Variants in C10orf71 observed in about 807,000 individuals in gnomAD.
C10orf71 encodes cardiac-enriched FHL2-interacting protein.
For missense variants in C10orf71, 1,869 were observed against 1,804.5 expected, an observed-to-expected ratio of 1.04 and a Z score of -0.65; for synonymous variants, 758 against 726.3, an observed-to-expected ratio of 1.04 and a Z score of -0.70.
rs1340584651 is a variant in C10orf71, at chr10:49,325,655, C to A, written c.3110C>A (p.Ser1037Tyr). The change falls in exon 3 of 3, where the codon TCC (serine) becomes TAC (tyrosine). Residue 1037 changes from serine to tyrosine, a missense_variant. Ser to Tyr is a moderately radical substitution (Grantham distance 144). Transcript: ENST00000374144. ...QTPGFKSHFL[S>Y]TPRAGPPGRR... Reference sequence around the variant, plus strand: ...CCAGGTTTCAAGAGTCACTTTTTGTCCACACCCAGAGCAGGGCCCCCTGGC... The same window carrying A: ...CCAGGTTTCAAGAGTCACTTTTTGTACACACCCAGAGCAGGGCCCCCTGGC... 5.2e-6 allele frequency: 8 copies of A among 1,552,010 alleles called. No individual in the cohort carries two copies. In the African/African-American group the frequency reaches 8.2e-5, roughly 16 times the overall value.
rs1482212804 is a variant in C10orf71 at position 49,326,672 on chromosome 10, G to A, written c.4127G>A (p.Ser1376Asn). 9 of 1,550,722 alleles carry A rather than the reference G, an allele frequency of 5.8e-6. No individual in the cohort carries two copies. The East Asian group carries it at 2.2e-4, about 38-fold the overall frequency. The change falls in exon 3 of 3, where the codon AGT (serine) becomes AAT (asparagine). Residue 1376 changes from serine (S) to asparagine (N), a missense_variant. Coordinates refer to ENST00000374144, the MANE Select transcript of C10orf71 (RefSeq NM_001135196.2). The stretch of plus-strand genomic sequence containing the variant: ...TCCGCGGCCCGCGCCAGGACCCAGA[G>A]TGTCCACGAGTCTGGACTACAGCTG... ...RASAARARTQ[S>N]VHESGLQLDP...
At position 49,326,676 on chromosome 10, in the gene C10orf71, C is replaced by A; in HGVS notation, c.4131C>A (p.Val1377=). ...ASAARARTQS[V]HESGLQLDPG... ...CGGCCCGCGCCAGGACCCAGAGTGT[C>A]CACGAGTCTGGACTACAGCTGGACC... is the stretch of plus-strand genomic sequence containing the variant. The change falls in exon 3 of 3, where the codon GTC becomes GTA. Residue 1377 remains valine (V), a synonymous_variant. Transcript: ENST00000374144. 1 of 1,550,950 alleles carries A rather than the reference C, an allele frequency of 6.4e-7. No homozygotes were observed. The highest frequency in any genetic ancestry group is 1.2e-5 in the South Asian group (1 of 84,056).
At chr10:49,322,019 G>C (rs1208741843) in intron 2 of C10orf71, among the ~76,000 whole-genome samples, 1 of 152,128 alleles carries the variant, frequency 6.6e-6, no homozygotes, top group East Asian at 1.9e-4. Flanking sequence ...CCATTCCATA[G>C]AATACCTTTT....
In C10orf71 at chr10:49,324,993, A is replaced by T; in HGVS notation, c.2448A>T (p.Ser816=). Residue 816 remains serine (S), a synonymous_variant, in exon 3 of 3, where the codon TCA becomes TCT. Coordinates refer to ENST00000374144, the MANE Select transcript of C10orf71 (RefSeq NM_001135196.2). ...CTGGAGGAAGAACCAGGAAGGCATC[A>T]GCAGAGGAAGCTAATTTCAGAGGCT... ...SVSGGRTRKA[S]AEEANFRGSW... 6.4e-7 allele frequency: 1 copy of T among 1,551,394 alleles called. No homozygotes were observed. The highest frequency in any genetic ancestry group is 8.7e-7 in the Non-Finnish European group (1 of 1,146,762).
At chr10:49,302,663 T>G (rs557062281) in intron 1 of C10orf71, among the ~76,000 whole-genome samples, 37 of 152,336 alleles carry the variant, frequency 2.4e-4, no homozygotes, top group Admixed American at 1.6e-3. Context: ...TTGTACTCAC[T>G]GCCTCCTGAT....
upstream of C10orf71, among the ~76,000 whole-genome samples, chr10:49,297,086 A>G (rs564992541): frequency 1.3e-5 from 2 of 152,384 alleles, no homozygotes; most frequent in East Asian, 3.8e-4. Flanking sequence ...GCTGCAGAGC[A>G]AAGCTTGCTG....
intron 1 of C10orf71, among the ~76,000 whole-genome samples, chr10:49,300,568 C>T (rs7904928): frequency 0.14 from 20,702 of 152,034 alleles, 1,719 homozygotes; most frequent in South Asian, 0.23. Flanking sequence ...CCTGCACCTT[C>T]CAGGGCCCAC....
chr10:49,323,516 C>T lies in C10orf71; in HGVS notation c.971C>T (p.Pro324Leu). 1.2e-6 allele frequency: 2 copies of T among 1,611,868 alleles called. No homozygotes were observed. Among genetic ancestry groups the T allele is most frequent in the Non-Finnish European group, 1.7e-6 (2 of 1,178,366 alleles). ...TGTCCTCCTGAGCGCACAGTCTCTC[C>T]CTGCCAGGTCCAGGCCAGCTGCAGT... Reference protein sequence around the residue: ...EPCPPERTVSPCQVQASCSQE... With the variant: ...EPCPPERTVSLCQVQASCSQE... The change falls in exon 3 of 3, where the codon CCC becomes CTC. Residue 324 changes from proline (P) to leucine (L), a missense_variant. Transcript: ENST00000374144.
At chr10:49,306,208 G>A (rs11101083) in intron 1 of C10orf71, among the ~76,000 whole-genome samples, 23,579 of 152,176 alleles carry the variant, frequency 0.15, 1,995 homozygotes, top group East Asian at 0.32. Context: ...CCAGGACCTG[G>A]TGGTTTGGCT....
chr10:49,320,037 G>GA (rs1238480393), intron 2 of C10orf71, among the ~76,000 whole-genome samples: 1 of 152,132 alleles, frequency 6.6e-6, no homozygotes, highest in Non-Finnish European at 1.5e-5. Flanking sequence ...TTTGAAAGAT[G>GA]AAAGAGTCCT....
chr10:49,312,242 C>T (rs992270961), intron 1 of C10orf71, among the ~76,000 whole-genome samples: 3 of 152,186 alleles, frequency 2.0e-5, no homozygotes, highest in Admixed American at 6.5e-5. Context: ...GCAGACCCTT[C>T]GCTCTTCTCC....
intron 1 of C10orf71, among the ~76,000 whole-genome samples, chr10:49,315,106 A>T (rs945402177): frequency 2.6e-5 from 4 of 152,196 alleles, no homozygotes; most frequent in Admixed American, 6.5e-5. Context: ...GGCCCATCTA[A>T]GCCAGCCTGG....
At position 49,324,193 on chromosome 10, in the gene C10orf71, G is replaced by A. The variant is rs767721099; in HGVS notation, c.1648G>A (p.Glu550Lys). The change falls in exon 3 of 3, where the codon GAA (glutamate) becomes AAA (lysine). Residue 550 changes from glutamate to lysine, a missense_variant. Coordinates refer to ENST00000374144, the MANE Select transcript of C10orf71 (RefSeq NM_001135196.2). The part of the protein sequence containing the change: ...NGVILPNGLE[E>K]SPPNELSKER... ...TGTCATCCTCCCCAATGGGCTTGAG[G>A]AAAGCCCTCCAAATGAGCTTTCTAA... 6.2e-7 allele frequency: 1 copy of A among 1,613,964 alleles called. No individual in the cohort carries two copies. The highest frequency in any genetic ancestry group is 1.1e-5 in the South Asian group (1 of 91,074).
rs1554861500 is a variant in C10orf71 at position 49,326,956 on chromosome 10, C to CACAT, written c.*106_*107insTACA. 17 of 1,587,170 alleles carry CACAT rather than the reference C, an allele frequency of 1.1e-5. No individual in the cohort carries two copies. In the African/African-American group the frequency reaches 1.9e-4, roughly 18 times the overall value. On this transcript the variant is annotated 3_prime_UTR_variant, in exon 3 of 3. Transcript: ENST00000374144. The stretch of plus-strand genomic sequence containing the variant: ...ACACACACACACACACACACACACA[C>CACAT]ACACACGATCATCAACACATACTTA...
Position 49,299,806 on chromosome 10 carries a change from G to A in C10orf71, c.-248+573G>A, listed in dbSNP as rs574130788. Among the ~76,000 whole-genome samples, 10 of 152,330 alleles carry A rather than the reference G, an allele frequency of 6.6e-5. No homozygotes were observed. In the South Asian group the frequency reaches 2.1e-3, roughly 32 times the overall value. The stretch of plus-strand genomic sequence containing the variant: ...TGGTCCCAGGTTTTCAGCATTCAGG[G>A]CTGAGGGAGGCTGGCTTTCTTAGCT... On this transcript the variant is annotated intron_variant, in intron 1 of 2. Transcript: ENST00000374144.
chr10:49,324,353 A>G lies in C10orf71; in HGVS notation c.1808A>G (p.Tyr603Cys). The G allele has an allele frequency of 6.2e-7, 1 of 1,613,836 alleles. No individual in the cohort carries two copies. Among genetic ancestry groups the G allele is most frequent in the Non-Finnish European group, 8.5e-7 (1 of 1,179,842 alleles). ...TAPTIAKAPF[Y>C]VNGEAAERSS... ...CCGACTATCGCCAAAGCCCCCTTCT[A>G]TGTCAATGGGGAGGCTGCTGAGAGA... Residue 603 changes from tyrosine (Y) to cysteine (C), a missense_variant, in exon 3 of 3, where the codon TAT becomes TGT. By Grantham distance (194) the Tyr-to-Cys change is radical. Coordinates refer to ENST00000374144, the MANE Select transcript of C10orf71 (RefSeq NM_001135196.2).
rs776357629 is a variant in C10orf71, at chr10:49,323,191, C to G, written c.646C>G (p.His216Asp). Residue 216 changes from histidine (H) to aspartate (D), a missense_variant, in exon 3 of 3, where the codon CAC (histidine) becomes GAC (aspartate). Coordinates refer to ENST00000374144, the MANE Select transcript of C10orf71 (RefSeq NM_001135196.2). ...GAACAGCTACCAGCCAGGCAGGAAGCACGGAGAACAGGAGTCCTCCAAGAA... is the reference window on the plus strand; with the variant it reads ...GAACAGCTACCAGCCAGGCAGGAAGGACGGAGAACAGGAGTCCTCCAAGAA... ...HQNSYQPGRKHGEQESSKNPE... is the reference protein window; with the variant it reads ...HQNSYQPGRKDGEQESSKNPE... 3 of 1,614,000 alleles carry G rather than the reference C, an allele frequency of 1.9e-6. No homozygotes were observed. The highest frequency in any genetic ancestry group is 8.5e-7 in the Non-Finnish European group (1 of 1,179,896).
intron 2 of C10orf71, 39 bp from the exon 3 acceptor site, chr10:49,322,363 G>C: frequency 3.3e-6 from 2 of 609,390 alleles, no homozygotes; most frequent in Admixed American, 3.3e-5. Context: ...GTGTAGAGCT[G>C]TATACTTTGT....
chr10:49,301,293 T>G (rs2132395135), intron 1 of C10orf71, among the ~76,000 whole-genome samples: 1 of 152,344 alleles, frequency 6.6e-6, no homozygotes, highest in Admixed American at 6.5e-5. Flanking sequence ...ATTTTGGTTT[T>G]ATTTCCATTT....
Sources: gnomAD v4.1 joint callset for allele counts (sites outside exome capture counted in the v4.1 genomes callset) on GRCh38, gnomAD v4.1.1 for gene constraint, MANE v1.5 for transcripts, NCBI Gene and HGNC (gene_info 2026-07-23, HGNC 2026-07-21) for gene names.